Variants in RPS6KC1 observed in about 807,000 individuals in gnomAD.
RPS6KC1 encodes ribosomal protein S6 kinase C1, also known as inactive ribosomal protein S6 kinase delta-1.
In RPS6KC1, 54 loss-of-function variants were observed where a neutral mutation model predicts 103.8. That is an observed-to-expected ratio of 0.52 (90% CI 0.42 to 0.65). RPS6KC1 has a LOEUF of 0.65. Ranked by LOEUF, RPS6KC1 falls within the 30% of genes least tolerant of loss-of-function variation. The probability of loss-of-function intolerance (pLI) is 0.00; values close to 1 mark genes in which losing one functional copy is unlikely to be tolerated. For missense variants in RPS6KC1, 1,151 were observed against 1,253.8 expected (o/e 0.92, Z 1.24); for synonymous variants, 439 against 438.7 (o/e 1.00, Z -0.01).
At chr1:213,725,523 G>A in the RPS6KC1 span, among the ~76,000 whole-genome samples, 4 of 152,306 alleles carry the variant, frequency 2.6e-5, no homozygotes, top group South Asian at 2.1e-4. Context: ...GTCCTGTGGC[G>A]TGGCCTCCCT....
At chr1:213,115,867 G>T (rs1253984649) in intron 4 of RPS6KC1, among the ~76,000 whole-genome samples, 1 of 152,222 alleles carries the variant, frequency 6.6e-6, no homozygotes, top group East Asian at 1.9e-4. Flanking sequence ...GTGGTTTTGA[G>T]TGAGTTTCTT....
rs755159639 is a variant in RPS6KC1, at chr1:213,242,306, C to T, written c.2821+9C>T. 4.3e-6 allele frequency: 7 copies of T among 1,613,096 alleles called. No homozygotes were observed. Among genetic ancestry groups the T allele is most frequent in the Non-Finnish European group, 5.1e-6 (6 of 1,179,448 alleles). ...CTTATTGAATGATAGAGGTCAGGAA[C>T]TTTTGCAAATGCATTTCTTTTTATT... On this transcript the variant is annotated intron_variant, in intron 11 of 14. Transcript: ENST00000366960.
the RPS6KC1 span, among the ~76,000 whole-genome samples, chr1:213,699,811 A>G: frequency 6.6e-6 from 1 of 152,004 alleles, no homozygotes; most frequent in Non-Finnish European, 1.5e-5. Flanking sequence ...TGTTGAGCAC[A>G]TTTTCATATG....
At chr1:213,680,083 A>G in the RPS6KC1 span, among the ~76,000 whole-genome samples, 1 of 151,980 alleles carries the variant, frequency 6.6e-6, no homozygotes, top group African/African-American at 2.4e-5. Flanking sequence ...GGAGGCAGAA[A>G]AATTTCACGT....
downstream of RPS6KC1, among the ~76,000 whole-genome samples, chr1:213,275,626 C>A (rs1467235476): frequency 1.3e-5 from 2 of 151,832 alleles, no homozygotes; most frequent in African/African-American, 4.8e-5. Context: ...TTATGGGGTA[C>A]AATGCGATAT....
the RPS6KC1 span, among the ~76,000 whole-genome samples, chr1:213,785,328 G>A: frequency 1.3e-5 from 2 of 152,138 alleles, no homozygotes; most frequent in Non-Finnish European, 2.9e-5. Context: ...ATAGGAAGCA[G>A]AGGTTTGGTC....
the RPS6KC1 span, among the ~76,000 whole-genome samples, chr1:213,326,230 ACAG>A: frequency 1.3e-5 from 2 of 152,164 alleles, no homozygotes; most frequent in Non-Finnish European, 2.9e-5. Context: ...GAAAAAAAAG[ACAG>A]CAGTCAAAGG....
chr1:213,053,918 C>T lies in RPS6KC1; in HGVS notation c.105+2409C>T, dbSNP rs142308570. Among the ~76,000 whole-genome samples the T allele has an allele frequency of 1.1e-3, 170 of 151,990 alleles. No individual in the cohort carries two copies. The Middle Eastern group carries it at 0.014, about 12-fold the overall frequency. ...GTGGCGCTATCTCAGCTTACAGTAA[C>T]CTCGCCTCCTGGGTTCAAGTGATTC... On this transcript the variant is annotated intron_variant, in intron 1 of 14. Transcript: ENST00000366960.
At chr1:213,238,587 C>T (rs556459855) in intron 10 of RPS6KC1, among the ~76,000 whole-genome samples, 1 of 152,056 alleles carries the variant, frequency 6.6e-6, no homozygotes, top group Non-Finnish European at 1.5e-5. Context: ...AGGATCTAGT[C>T]GTAGTTATAG....
At chr1:213,843,146 A>C in the RPS6KC1 span, among the ~76,000 whole-genome samples, 2 of 152,194 alleles carry the variant, frequency 1.3e-5, no homozygotes, top group Admixed American at 1.3e-4. Context: ...TGGAAACCTC[A>C]GTCTTTGCTC....
Position 213,272,709 on chromosome 1 carries a change from C to A in RPS6KC1, c.*75C>A. On this transcript the variant is annotated 3_prime_UTR_variant, in exon 15 of 15. Coordinates refer to ENST00000366960, the MANE Select transcript of RPS6KC1 (RefSeq NM_012424.6). ...ATCTCCAGCACTGAGGCACCTCTGA[C>A]TCACAGTTACTTATGGAGCACCAAA... 9.7e-7 allele frequency: 1 copy of A among 1,032,092 alleles called. No individual in the cohort carries two copies. Among genetic ancestry groups the A allele is most frequent in the Non-Finnish European group, 1.5e-6 (1 of 660,852 alleles). The allele number at this position is 1,032,092 out of a possible 1,614,324, so 63.9% of individuals were successfully genotyped here.
At chr1:213,179,017 G>A (rs1246052826) in intron 8 of RPS6KC1, among the ~76,000 whole-genome samples, 1 of 152,108 alleles carries the variant, frequency 6.6e-6, no homozygotes, top group East Asian at 1.9e-4. Flanking sequence ...ATGGTGCCTG[G>A]CCTAACTTTT....
chr1:213,830,614 G>A, the RPS6KC1 span, among the ~76,000 whole-genome samples: 15 of 146,736 alleles, frequency 1.0e-4, no homozygotes, highest in Non-Finnish European at 1.3e-4. Context: ...TGAAAAGTTT[G>A]TAACTGCAAG....
the RPS6KC1 span, among the ~76,000 whole-genome samples, chr1:213,343,092 C>T: frequency 2.0e-5 from 3 of 151,166 alleles, no homozygotes; most frequent in Non-Finnish European, 2.9e-5. Flanking sequence ...AAAATAACTA[C>T]TGCTTAAAAA....
At chr1:213,441,317 T>G in the RPS6KC1 span, among the ~76,000 whole-genome samples, 1 of 152,182 alleles carries the variant, frequency 6.6e-6, no homozygotes, top group East Asian at 1.9e-4. Flanking sequence ...ACCTTAAATT[T>G]TGAGTTTTTT....
At chr1:213,465,415 A>G in the RPS6KC1 span, among the ~76,000 whole-genome samples, 1 of 152,178 alleles carries the variant, frequency 6.6e-6, no homozygotes, top group Non-Finnish European at 1.5e-5. Context: ...AAGGGCATAC[A>G]CATTTTCAGT....
At chr1:213,628,229 C>T in the RPS6KC1 span, among the ~76,000 whole-genome samples, 1 of 152,178 alleles carries the variant, frequency 6.6e-6, no homozygotes, top group Non-Finnish European at 1.5e-5. Flanking sequence ...ATAGTATTCT[C>T]TGATGGTAGT....
chr1:213,713,209 C>A, the RPS6KC1 span, among the ~76,000 whole-genome samples: 1 of 151,990 alleles, frequency 6.6e-6, no homozygotes, highest in Non-Finnish European at 1.5e-5. Flanking sequence ...GGAAATGAAC[C>A]AAATGAAATA....
the RPS6KC1 span, among the ~76,000 whole-genome samples, chr1:213,747,296 ATAT>A: frequency 6.6e-6 from 1 of 152,194 alleles, no homozygotes; most frequent in South Asian, 2.1e-4. Context: ...GACTAAGATA[ATAT>A]TATTGTTTTT....
Sources: gnomAD v4.1 joint callset for allele counts (sites outside exome capture counted in the v4.1 genomes callset) on GRCh38, gnomAD v4.1.1 for gene constraint, MANE v1.5 for transcripts, NCBI Gene and HGNC (gene_info 2026-07-23, HGNC 2026-07-21) for gene names.